LAMTOR1: variants seen among roughly 807,000 people sequenced by gnomAD.
LAMTOR1 encodes late endosomal/lysosomal adaptor, MAPK and MTOR activator 1.
LAMTOR1 carries 8 observed loss-of-function variants against 20.5 expected under a neutral mutation model. That is an observed-to-expected ratio of 0.39 (90% confidence interval 0.23 to 0.70). LAMTOR1 has a LOEUF of 0.70. LAMTOR1 is among the 30% of genes least tolerant of loss of function. The pLI is 0.43. For synonymous variants in LAMTOR1, 77 were observed against 80.9 expected, an observed-to-expected ratio of 0.95 and a Z score of 0.26; for missense variants, 135 against 206.2, an observed-to-expected ratio of 0.65 and a Z score of 2.11.
At chr11:72,101,526 C>A (rs1275573691) in intron 1 of LAMTOR1, among the ~76,000 whole-genome samples, 2 of 152,236 alleles carry the variant, frequency 1.3e-5, no homozygotes, top group Non-Finnish European at 2.9e-5. Flanking sequence ...ACATAACCCA[C>A]ACTAATATGA....
At chr11:72,101,973 A>C (rs1284120066) in intron 1 of LAMTOR1, among the ~76,000 whole-genome samples, 3 of 152,218 alleles carry the variant, frequency 2.0e-5, no homozygotes, top group African/African-American at 7.2e-5. Context: ...TTTCTCAAAA[A>C]GGTGGAAGTG....
rs775030419 is a variant in LAMTOR1 at position 72,103,242 on chromosome 11, G to A, written c.-18C>T. 23 of 1,554,384 alleles carry A rather than the reference G, an allele frequency of 1.5e-5. No homozygotes were observed. In the Admixed American group the frequency reaches 3.9e-4, roughly 26 times the overall value. ...CACCCCATGGCCGGGGTCGGGCCGG[G>A]CGCTCAGGCCGCGCCGAGGAGGGAC... On this transcript the variant is annotated 5_prime_UTR_variant, in exon 1 of 5. Coordinates refer to ENST00000278671, the MANE Select transcript of LAMTOR1 (RefSeq NM_017907.3).
Position 72,097,917 on chromosome 11 carries a change from G to A in LAMTOR1, c.394-3C>T. On this transcript the variant is annotated splice_region_variant and splice_polypyrimidine_tract_variant and intron_variant, in intron 4 of 4. Transcript: ENST00000278671. ...GCATAAGCAGCTATCCTGGAGACCT[G>A]AGACAGAGAGGGGCCGGGGAGGAGA... 1.9e-6 allele frequency: 3 copies of A among 1,588,940 alleles called. No homozygotes were observed. Among genetic ancestry groups the A allele is most frequent in the Admixed American group, 1.7e-5 (1 of 58,420 alleles).
Position 72,103,175 on chromosome 11 carries a change from G to A in LAMTOR1, c.42+8C>T, listed in dbSNP as rs927920892. 31 of 1,584,130 alleles carry A rather than the reference G, an allele frequency of 2.0e-5. No individual in the cohort carries two copies. Among genetic ancestry groups the A allele is most frequent in the South Asian group, 9.4e-5 (8 of 84,920 alleles). On this transcript the variant is annotated splice_region_variant and intron_variant, in intron 1 of 4. Transcript: ENST00000278671. The stretch of plus-strand genomic sequence containing the variant: ...CTCATTCCCGAGCCCCGCCTGCCGC[G>A]GCCGCACCTGGTCCGAGTCCTCGTT...
At chr11:72,098,117 G>C in intron 4 of LAMTOR1, 172 bp downstream of exon 4, 1 of 1,021,830 alleles carries the variant, frequency 9.8e-7, no homozygotes, top group South Asian at 1.6e-5. Context: ...GAAGGAGATA[G>C]GAAAGACATA....
chr11:72,102,784 G>A (rs1945492058), intron 1 of LAMTOR1, among the ~76,000 whole-genome samples: 1 of 152,194 alleles, frequency 6.6e-6, no homozygotes, highest in Admixed American at 6.5e-5. Context: ...TCTCAGGACA[G>A]ACTAACTCAG....
intron 1 of LAMTOR1, among the ~76,000 whole-genome samples, chr11:72,099,533 A>G (rs1049164943): frequency 6.6e-6 from 1 of 152,212 alleles, no homozygotes; most frequent in African/African-American, 2.4e-5. Context: ...AGTCAGCAAC[A>G]GCCCTGGAGC....
chr11:72,103,088 G>A lies in LAMTOR1; in HGVS notation c.42+95C>T, dbSNP rs559859255. ...CAGGCCTCCGTATTCAGTGAGCCCT[G>A]CAGTCCGGCTGCCCGTCCTCCGCAG... On this transcript the variant is annotated intron_variant, in intron 1 of 4. Coordinates refer to ENST00000278671, the MANE Select transcript of LAMTOR1 (RefSeq NM_017907.3). 2.9e-5 allele frequency: 43 copies of A among 1,458,196 alleles called. No homozygotes were observed. In the African/African-American group the frequency reaches 4.9e-4, roughly 17 times the overall value. 90.3% of individuals were successfully genotyped at this position (1,458,196 alleles called of 1,614,324 possible).
intron 3 of LAMTOR1, 56 bp from the exon 4 acceptor site, chr11:72,098,471 A>G: frequency 1.3e-6 from 2 of 1,558,424 alleles, no homozygotes; most frequent in South Asian, 2.4e-5. Context: ...TGCCCTGCCC[A>G]GCCCAGGTAA....
chr11:72,097,815 C>T lies in LAMTOR1; in HGVS notation c.*7G>A, dbSNP rs747818588. The stretch of plus-strand genomic sequence containing the variant: ...AGAGGAGAAGAGCTGTCCAAGGACC[C>T]CTCTCTTCATGGGATCCCAAACTGT... On this transcript the variant is annotated 3_prime_UTR_variant, in exon 5 of 5. Transcript: ENST00000278671. 2 of 1,614,044 alleles carry T rather than the reference C, an allele frequency of 1.2e-6. No homozygotes were observed. The highest frequency in any genetic ancestry group is 3.3e-4 in the Middle Eastern group (2 of 6,044).
chr11:72,101,474 A>G (rs1389087638), intron 1 of LAMTOR1, among the ~76,000 whole-genome samples: 1 of 152,240 alleles, frequency 6.6e-6, no homozygotes, highest in Non-Finnish European at 1.5e-5. Context: ...AGCTTGGCCA[A>G]ATCACTTAGC....
rs957427965 is a variant in LAMTOR1, at chr11:72,098,764, G to A, written c.266+17C>T. 3.1e-5 allele frequency: 48 copies of A among 1,527,362 alleles called. No homozygotes were observed. Among genetic ancestry groups the A allele is most frequent in the Middle Eastern group, 1.9e-4 (1 of 5,248 alleles). The allele number at this position is 1,527,362 out of a possible 1,614,324, so 94.6% of individuals were successfully genotyped here. On this transcript the variant is annotated intron_variant, in intron 3 of 4. Coordinates refer to ENST00000278671, the MANE Select transcript of LAMTOR1 (RefSeq NM_017907.3). Reference sequence around the variant, plus strand: ...AGCCCAAGTAGCCTGAGGGACCCACGCTGGCCAGGTGCTCACCTGTACTGC... The same window carrying A: ...AGCCCAAGTAGCCTGAGGGACCCACACTGGCCAGGTGCTCACCTGTACTGC...
chr11:72,101,341 T>C (rs1481115660), intron 1 of LAMTOR1, among the ~76,000 whole-genome samples: 1 of 152,226 alleles, frequency 6.6e-6, no homozygotes. Context: ...CTGTCTACCT[T>C]AGCACAGACA....
intron 1 of LAMTOR1, among the ~76,000 whole-genome samples, chr11:72,102,414 T>G (rs923663182): frequency 2.0e-5 from 3 of 152,140 alleles, no homozygotes; most frequent in Admixed American, 2.0e-4. Context: ...TGTACAGGTC[T>G]CCCCAGCCTA....
chr11:72,097,987 G>T, intron 4 of LAMTOR1, 73 bp from the exon 5 acceptor site: 1 of 1,499,570 alleles, frequency 6.7e-7, no homozygotes. Context: ...AATGGGGAGG[G>T]GAGATTAGAT....
At position 72,103,267 on chromosome 11, in the gene LAMTOR1, C is replaced by T; in HGVS notation, c.-43G>A. On this transcript the variant is annotated 5_prime_UTR_variant, in exon 1 of 5. Coordinates refer to ENST00000278671, the MANE Select transcript of LAMTOR1 (RefSeq NM_017907.3). ...GCGCTCAGGCCGCGCCGAGGAGGGA[C>T]GGCGTCCGTGAGGAGCCCTTCCGGT... is the stretch of plus-strand genomic sequence containing the variant. 6.5e-7 allele frequency: 1 copy of T among 1,545,604 alleles called. No homozygotes were observed. Among genetic ancestry groups the T allele is most frequent in the Non-Finnish European group, 8.7e-7 (1 of 1,145,334 alleles).
In LAMTOR1 at chr11:72,097,795, A is replaced by G; in HGVS notation, c.*27T>C. 2 of 1,613,774 alleles carry G rather than the reference A, an allele frequency of 1.2e-6. No individual in the cohort carries two copies. The highest frequency in any genetic ancestry group is 1.7e-6 in the Non-Finnish European group (2 of 1,179,854). On this transcript the variant is annotated 3_prime_UTR_variant, in exon 5 of 5. Transcript: ENST00000278671. ...GGGGTAGAGATGGGATGAAGAGAGG[A>G]GAAGAGCTGTCCAAGGACCCCTCTC...
chr11:72,101,158 C>G (rs1465507563), intron 1 of LAMTOR1, among the ~76,000 whole-genome samples: 1 of 152,188 alleles, frequency 6.6e-6, no homozygotes, highest in African/African-American at 2.4e-5. Flanking sequence ...CAGCTAAGAT[C>G]AAGTGAACAA....
rs1236461196 is a variant in LAMTOR1, at chr11:72,097,629, A to G, written c.*193T>C. 7.1e-7 allele frequency: 1 copy of G among 1,404,488 alleles called. No individual in the cohort carries two copies. The highest frequency in any genetic ancestry group is 9.3e-7 in the Non-Finnish European group (1 of 1,078,510). The allele number at this position is 1,404,488 out of a possible 1,614,324, so 87.0% of individuals were successfully genotyped here. A position where few individuals can be genotyped will look rare whatever the true frequency, so the allele number is the denominator to read the frequency against. ...CACCCCATCCCTGGCCAGAGCTTCA[A>G]AGGCCAGTCCCAAAAGGTTCTACCC... is the stretch of plus-strand genomic sequence containing the variant. On this transcript the variant is annotated 3_prime_UTR_variant, in exon 5 of 5. Coordinates refer to ENST00000278671, the MANE Select transcript of LAMTOR1 (RefSeq NM_017907.3).
Sources: gnomAD v4.1 joint callset for allele counts (sites outside exome capture counted in the v4.1 genomes callset) on GRCh38, gnomAD v4.1.1 for gene constraint, MANE v1.5 for transcripts, NCBI Gene and HGNC (gene_info 2026-07-23, HGNC 2026-07-21) for gene names.